MYO16: variants seen among roughly 807,000 people sequenced by gnomAD.
The protein encoded by MYO16 is unconventional myosin-XVI.
A neutral mutation model predicts 205.3 loss-of-function variants in MYO16; 94 were observed. The observed-to-expected ratio is 0.46, with a 90% CI of 0.39 to 0.54. The LOEUF (loss-of-function observed/expected upper bound fraction) is 0.54, where lower values mean the gene tolerates loss of function less well. Ranked by LOEUF, MYO16 falls within the 20% of genes least tolerant of loss-of-function variation. The pLI is 0.00. For synonymous variants in MYO16, 988 were observed against 954.0 expected, an observed-to-expected ratio of 1.04 and a Z score of -0.66; for missense variants, 2,315 against 2,387.5, an observed-to-expected ratio of 0.97 and a Z score of 0.63.
chr13:108,827,135 A>G (rs1170865148), intron 9 of MYO16, among the ~76,000 whole-genome samples: 1 of 152,154 alleles, frequency 6.6e-6, no homozygotes, highest in Admixed American at 6.6e-5. Flanking sequence ...AAAAGGGGGA[A>G]CAACTGTCCA....
rs1288602664 is a variant in MYO16 at position 108,665,932 on chromosome 13, C to T, written c.75C>T (p.Ile25=). The change falls in exon 2 of 35, where the codon ATC becomes ATT. Residue 25 remains isoleucine (I), a synonymous_variant. Transcript: ENST00000457511. The part of the protein sequence containing the change: ...CNVFRSHEME[I]DQCLLESLPL... ...TTTTTCGATCCCATGAGATGGAAAT[C>T]GACCAGTGCTTGCTAGAGTCCCTTC... The T allele has an allele frequency of 2.5e-6, 4 of 1,613,902 alleles. No homozygotes were observed. Among genetic ancestry groups the T allele is most frequent in the South Asian group, 1.1e-5 (1 of 91,068 alleles).
chr13:108,937,118 A>G (rs190013511), intron 16 of MYO16, among the ~76,000 whole-genome samples: 1 of 152,340 alleles, frequency 6.6e-6, no homozygotes, highest in East Asian at 1.9e-4. Flanking sequence ...TTAATTGAGC[A>G]GGATACGAAA....
At chr13:108,908,263 C>A (rs552301041) in intron 15 of MYO16, among the ~76,000 whole-genome samples, 1 of 152,224 alleles carries the variant, frequency 6.6e-6, no homozygotes, top group African/African-American at 2.4e-5. Context: ...TTTTGAAAGA[C>A]CTTTTCTTTA....
chr13:108,963,176 C>T (rs1374917359), intron 19 of MYO16, among the ~76,000 whole-genome samples: 1 of 152,226 alleles, frequency 6.6e-6, no homozygotes, highest in Non-Finnish European at 1.5e-5. Flanking sequence ...GATGGCCTTA[C>T]TATTTTCCTC....
chr13:108,945,224 T>A, intron 16 of MYO16, among the ~76,000 whole-genome samples: 1 of 152,218 alleles, frequency 6.6e-6, no homozygotes, highest in East Asian at 1.9e-4. Context: ...ACAATTAGTT[T>A]CAGAATTTTT....
chr13:109,046,050 G>A (rs1340654832), intron 23 of MYO16, among the ~76,000 whole-genome samples: 1 of 152,144 alleles, frequency 6.6e-6, no homozygotes, highest in East Asian at 1.9e-4. Flanking sequence ...CCTCATGGCG[G>A]ATCCTCGCCC....
chr13:109,154,061 G>A (rs972543465), intron 32 of MYO16, among the ~76,000 whole-genome samples: 6 of 152,246 alleles, frequency 3.9e-5, no homozygotes, highest in African/African-American at 1.4e-4. Context: ...AACCGCTACG[G>A]CTATCAAAGA....
intron 4 of MYO16, among the ~76,000 whole-genome samples, chr13:108,743,074 G>A (rs1241751306): frequency 6.6e-6 from 1 of 152,156 alleles, no homozygotes; most frequent in Non-Finnish European, 1.5e-5. Context: ...TGACAAATAT[G>A]CACATTTTAA....
chr13:108,998,978 C>G (rs1885127413), intron 21 of MYO16, among the ~76,000 whole-genome samples: 1 of 152,152 alleles, frequency 6.6e-6, no homozygotes, highest in African/African-American at 2.4e-5. Flanking sequence ...GTATTACTTC[C>G]TCTGTAGGTT....
chr13:108,757,875 C>A (rs1885474151), intron 4 of MYO16, among the ~76,000 whole-genome samples: 1 of 152,180 alleles, frequency 6.6e-6, no homozygotes, highest in Non-Finnish European at 1.5e-5. Flanking sequence ...CAAACGGAGT[C>A]CTGTGGATAT....
chr13:109,078,716 G>A (rs1476918924), intron 27 of MYO16, among the ~76,000 whole-genome samples: 1 of 152,094 alleles, frequency 6.6e-6, no homozygotes, highest in Non-Finnish European at 1.5e-5. Flanking sequence ...ATTGTTTGGG[G>A]GTTTTGCTTT....
At chr13:108,947,358 A>G (rs1188898939) in intron 16 of MYO16, among the ~76,000 whole-genome samples, 2 of 149,808 alleles carry the variant, frequency 1.3e-5, no homozygotes, top group South Asian at 2.1e-4. Context: ...CCTGTACAGA[A>G]CCCTCCCTAG....
intron 1 of MYO16, among the ~76,000 whole-genome samples, chr13:108,649,161 G>A (rs146878426): frequency 1.4e-3 from 211 of 152,076 alleles, no homozygotes; most frequent in African/African-American, 4.1e-3. Flanking sequence ...CCAATATGGC[G>A]CATGGATACG....
At chr13:109,120,507 G>A in intron 29 of MYO16, 41 bp downstream of exon 29, 1 of 1,508,610 alleles carries the variant, frequency 6.6e-7, no homozygotes, top group Non-Finnish European at 9.1e-7. Flanking sequence ...TATTTGAGTT[G>A]TGAAATGCAA....
At chr13:108,681,687 G>A (rs140632863) in intron 2 of MYO16, among the ~76,000 whole-genome samples, 3 of 152,012 alleles carry the variant, frequency 2.0e-5, no homozygotes, top group East Asian at 1.9e-4. Flanking sequence ...GGGGGTGGGG[G>A]TGGTAAATAA....
upstream of MYO16, among the ~76,000 whole-genome samples, chr13:108,628,221 G>C (rs1879822372): frequency 6.6e-6 from 1 of 152,154 alleles, no homozygotes; most frequent in Non-Finnish European, 1.5e-5. Context: ...TGACTTTTGT[G>C]ACAGTGACTC....
At chr13:109,201,692 C>T (rs914874061) in intron 34 of MYO16, among the ~76,000 whole-genome samples, 8 of 151,896 alleles carry the variant, frequency 5.3e-5, no homozygotes, top group African/African-American at 1.7e-4. Flanking sequence ...GATTTTGATG[C>T]ACCCATCACC....
intron 3 of MYO16, among the ~76,000 whole-genome samples, chr13:108,721,216 C>G (rs2139570787): frequency 6.6e-6 from 1 of 152,320 alleles, no homozygotes; most frequent in South Asian, 2.1e-4. Flanking sequence ...TTGACACATT[C>G]TAACCACACG....
intron 16 of MYO16, among the ~76,000 whole-genome samples, chr13:108,933,283 G>T (rs1319901604): frequency 6.6e-6 from 1 of 152,202 alleles, no homozygotes; most frequent in Non-Finnish European, 1.5e-5. Flanking sequence ...GAATTGTTAT[G>T]CAGACAGGAA....
Sources: gnomAD v4.1 joint callset for allele counts (sites outside exome capture counted in the v4.1 genomes callset) on GRCh38, gnomAD v4.1.1 for gene constraint, MANE v1.5 for transcripts, NCBI Gene and HGNC (gene_info 2026-07-23, HGNC 2026-07-21) for gene names.